Variants in ADGRA2 observed in about 807,000 individuals in gnomAD.
The protein encoded by ADGRA2 is G-protein coupled receptor 124.
Under a neutral mutation model 98.7 loss-of-function variants are expected in ADGRA2, and 61 were observed. The ratio of observed to expected loss-of-function variants is 0.62; its 90% confidence interval spans 0.50 to 0.76. The LOEUF (loss-of-function observed/expected upper bound fraction) is 0.76, where lower values mean the gene tolerates loss of function less well. Among genes scored for constraint, ADGRA2 ranks in the 30% least tolerant of loss-of-function variants. ADGRA2 has a pLI of 0.00. For missense variants in ADGRA2, 1,712 were observed against 1,860.0 expected (o/e 0.92, Z 1.46); for synonymous variants, 858 against 831.5 (o/e 1.03, Z -0.55).
intron 1 of ADGRA2, among the ~76,000 whole-genome samples, chr8:37,804,556 A>G (rs1293743175): frequency 6.6e-6 from 1 of 152,232 alleles, no homozygotes; most frequent in East Asian, 1.9e-4. Flanking sequence ...AGGAGGTCAA[A>G]ATACAGGTTT....
At chr8:37,831,004 C>G (rs1585398374) in intron 7 of ADGRA2, 81 bp downstream of exon 7, 2 of 1,032,680 alleles carry the variant, frequency 1.9e-6, no homozygotes, top group East Asian at 5.2e-5. Flanking sequence ...CGCAAAAGAG[C>G]TGCCCCCAGA....
intron 5 of ADGRA2, 73 bp downstream of exon 5, chr8:37,829,632 C>G (rs1805394673): frequency 8.6e-7 from 1 of 1,157,786 alleles, no homozygotes; most frequent in Non-Finnish European, 1.3e-6. Context: ...GTATAAGTAT[C>G]ATGACCACCA....
At chr8:37,832,422 G>A (rs189156051) in intron 8 of ADGRA2, among the ~76,000 whole-genome samples, 6 of 152,092 alleles carry the variant, frequency 3.9e-5, no homozygotes, top group East Asian at 3.9e-4. Context: ...CTGCAGTCTC[G>A]AATTCCTGGG....
intron 1 of ADGRA2, among the ~76,000 whole-genome samples, chr8:37,811,200 A>T (rs1277060832): frequency 1.9e-5 from 2 of 103,082 alleles, no homozygotes; most frequent in Non-Finnish European, 3.6e-5. Flanking sequence ...ACGGAGTTTC[A>T]CTCTTGTCAC....
intron 1 of ADGRA2, among the ~76,000 whole-genome samples, chr8:37,812,943 C>A (rs1036414849): frequency 1.3e-5 from 2 of 152,142 alleles, no homozygotes; most frequent in Admixed American, 1.3e-4. Flanking sequence ...CCCGTCCCAG[C>A]CTCCCAAAGT....
chr8:37,806,821 C>T (rs184299982), intron 1 of ADGRA2, among the ~76,000 whole-genome samples: 11 of 152,170 alleles, frequency 7.2e-5, no homozygotes, highest in East Asian at 1.9e-4. Flanking sequence ...TGAGCCACTG[C>T]GCCCGGCATG....
chr8:37,826,170 T>A (rs1274285933), intron 2 of ADGRA2, among the ~76,000 whole-genome samples: 3 of 152,226 alleles, frequency 2.0e-5, no homozygotes, highest in Non-Finnish European at 1.5e-5. Context: ...TGGCAGCCCA[T>A]GAAGGGAAGT....
intron 14 of ADGRA2, among the ~76,000 whole-genome samples, chr8:37,838,165 A>T (rs980891501): frequency 5.3e-5 from 8 of 151,838 alleles, no homozygotes; most frequent in Non-Finnish European, 1.0e-4. Flanking sequence ...CTATATCCAG[A>T]TAGTTGGATC....
chr8:37,803,078 A>G (rs1280109660), intron 1 of ADGRA2, among the ~76,000 whole-genome samples: 1 of 152,166 alleles, frequency 6.6e-6, no homozygotes, highest in Non-Finnish European at 1.5e-5. Context: ...TTTCCCCCAA[A>G]GGCACAGGCA....
intron 1 of ADGRA2, among the ~76,000 whole-genome samples, chr8:37,801,021 C>T (rs1401867685): frequency 6.6e-6 from 1 of 152,032 alleles, no homozygotes; most frequent in Non-Finnish European, 1.5e-5. Context: ...GTGCTGGGGG[C>T]TGTTCAGGCA....
In ADGRA2 at chr8:37,802,595, C is replaced by T. The variant is rs1336204685; in HGVS notation, c.266+5061C>T. Among the ~76,000 whole-genome samples the T allele has an allele frequency of 6.6e-6, 1 of 152,210 alleles. No homozygotes were observed. Among genetic ancestry groups the T allele is most frequent in the African/African-American group, 2.4e-5 (1 of 41,444 alleles). On this transcript the variant is annotated intron_variant, in intron 1 of 18. Coordinates refer to ENST00000412232, the MANE Select transcript of ADGRA2 (RefSeq NM_032777.10). The surrounding 1 kb of genome is among the most constrained non-coding windows in gnomAD (Gnocchi z 4.7). Reference sequence around the variant, plus strand: ...CGGCACCCCCACCCGGGCTCCGGGACCTCGCCTGTTCAAAGGCAGGGGCCC... The same window carrying T: ...CGGCACCCCCACCCGGGCTCCGGGATCTCGCCTGTTCAAAGGCAGGGGCCC...
chr8:37,815,921 G>A (rs948724706), intron 2 of ADGRA2, among the ~76,000 whole-genome samples: 5 of 152,100 alleles, frequency 3.3e-5, no homozygotes, highest in African/African-American at 9.7e-5. Flanking sequence ...TCTCTCTCAC[G>A]CCCCCATCCC....
chr8:37,811,125 A>AAAC (rs1804817215), intron 1 of ADGRA2, among the ~76,000 whole-genome samples: 1 of 147,336 alleles, frequency 6.8e-6, no homozygotes, highest in African/African-American at 2.5e-5. Flanking sequence ...AAAACAAAAA[A>AAAC]AAAAAAAAAA....
intron 14 of ADGRA2, among the ~76,000 whole-genome samples, chr8:37,838,250 ATTTT>A (rs11335728): frequency 7.7e-6 from 1 of 129,738 alleles, no homozygotes; most frequent in Admixed American, 7.8e-5. Flanking sequence ...CTGAGACCAG[ATTTT>A]TTTTTTTTTT....
At chr8:37,800,377 T>A (rs1804466399) in intron 1 of ADGRA2, among the ~76,000 whole-genome samples, 1 of 152,222 alleles carries the variant, frequency 6.6e-6, no homozygotes, top group Non-Finnish European at 1.5e-5. Flanking sequence ...ACCTCTCAGG[T>A]GATCTCTCAG....
At position 37,811,314 on chromosome 8, in the gene ADGRA2, C is replaced by T. The variant is rs939404616; in HGVS notation, c.267-3582C>T. 2.8e-4 allele frequency among the ~76,000 whole-genome samples: 42 copies of T among 148,056 alleles called. 1 individual carries two copies. The highest frequency in any genetic ancestry group is 2.4e-3 in the South Asian group (11 of 4,618). On this transcript the variant is annotated intron_variant, in intron 1 of 18. Transcript: ENST00000412232. ...CCTCCCAAGTGGCTGGGATTACAGG[C>T]GCCTGCCACCACGCCTGGCTAATTT...
intron 2 of ADGRA2, 89 bp downstream of exon 2, chr8:37,815,056 A>G: frequency 1.1e-6 from 1 of 933,616 alleles, no homozygotes; most frequent in Non-Finnish European, 1.8e-6. Flanking sequence ...CTGGTCGCTG[A>G]GTGACTCCAG....
intron 2 of ADGRA2, among the ~76,000 whole-genome samples, chr8:37,821,872 G>C (rs1805136826): frequency 2.0e-5 from 3 of 152,178 alleles, no homozygotes; most frequent in African/African-American, 7.2e-5. Flanking sequence ...GGTGGAGTGA[G>C]GCTTGCCCAA....
rs1442366259 is a variant in ADGRA2, at chr8:37,841,903, G to T, written c.3565G>T (p.Gly1189Ter). The T allele has an allele frequency of 2.0e-6, 3 of 1,532,568 alleles. 1 individual carries two copies. In the South Asian group the frequency reaches 3.6e-5, roughly 18 times the overall value. 94.9% of individuals were successfully genotyped at this position (1,532,568 alleles called of 1,614,324 possible). Residue 1189 changes from glycine to a stop codon, truncating the protein, a stop_gained, in exon 19 of 19, where the codon GGA (glycine) becomes TGA (stop). Coordinates refer to ENST00000412232, the MANE Select transcript of ADGRA2 (RefSeq NM_032777.10). LOFTEE classifies it low-confidence loss of function (END_TRUNC). The surrounding 1 kb of genome is among the most constrained non-coding windows in gnomAD (Gnocchi z 5.0). ...GRRAHKSRAK[G>*]HRAGEACGKN... ...TCGGGCGCACAAGAGCCGGGCCAAG[G>T]GACACCGCGCGGGGGAGGCCTGCGG...
Sources: gnomAD v4.1 joint callset for allele counts (sites outside exome capture counted in the v4.1 genomes callset) on GRCh38, gnomAD v4.1.1 for gene constraint, Gnocchi (gnomAD v3.1) non-coding constraint, MANE v1.5 for transcripts, NCBI Gene and HGNC (gene_info 2026-07-23, HGNC 2026-07-21) for gene names.